The following DHX33 variants were observed in gnomAD, a reference collection of about 807,000 sequenced individuals.
The protein encoded by DHX33 is DEAH-box helicase 33.
Under a neutral mutation model 72.5 loss-of-function variants are expected in DHX33, and 42 were observed. The ratio of observed to expected loss-of-function variants is 0.58; its 90% CI spans 0.45 to 0.75. DHX33 has a LOEUF of 0.75. Ranked by LOEUF, DHX33 falls within the 30% of genes least tolerant of loss-of-function variation. The pLI, the probability that DHX33 is intolerant of heterozygous loss-of-function variation, is 0.00. For synonymous variants in DHX33, 358 were observed against 366.1 expected, an observed-to-expected ratio of 0.98 and a Z score of 0.25; for missense variants, 842 against 917.5, an observed-to-expected ratio of 0.92 and a Z score of 1.06.
At chr17:5,451,201 G>A (rs1449562101) in intron 8 of DHX33, among the ~76,000 whole-genome samples, 1 of 152,172 alleles carries the variant, frequency 6.6e-6, no homozygotes, top group Non-Finnish European at 1.5e-5. Flanking sequence ...TGCCTCCTGG[G>A]TTCCAGCGAT....
intron 11 of DHX33, among the ~76,000 whole-genome samples, chr17:5,446,550 T>C (rs770684776): frequency 1.3e-4 from 20 of 151,988 alleles, no homozygotes; most frequent in Non-Finnish European, 2.5e-4. Context: ...AAAAAAGAAA[T>C]GAGGAGTTTA....
chr17:5,447,376 C>T (rs1378330887), intron 11 of DHX33, among the ~76,000 whole-genome samples: 1 of 151,992 alleles, frequency 6.6e-6, no homozygotes, highest in African/African-American at 2.4e-5. Flanking sequence ...AAAATTAGGC[C>T]GGGCGTGGTG....
intron 3 of DHX33, 39 bp from the exon 4 acceptor site, chr17:5,461,148 G>A (rs1329039180): frequency 1.3e-6 from 2 of 1,582,548 alleles, no homozygotes; most frequent in Non-Finnish European, 1.7e-6. Flanking sequence ...GAAACAAATA[G>A]TGGGAAGGCC....
intron 5 of DHX33, 124 bp from the exon 6 acceptor site, chr17:5,455,395 A>C: frequency 1.3e-6 from 1 of 773,674 alleles, no homozygotes; most frequent in Non-Finnish European, 2.2e-6. Flanking sequence ...CTCCATTATT[A>C]ATGGCAGTCA....
Position 5,444,227 on chromosome 17 carries a change from T to A in DHX33, c.2102A>T (p.Lys701Met). The change falls in exon 12 of 12, where the codon AAG becomes ATG. Residue 701 changes from lysine to methionine, a missense_variant. Coordinates refer to ENST00000225296, the MANE Select transcript of DHX33 (RefSeq NM_020162.4). The surrounding 1 kb of genome is among the most constrained non-coding windows in gnomAD (Gnocchi z 4.9). ...GGCTCAGTTTCTGGCGGTTCTCAGCTTCCTCCTAAAGTACTCAGGGGCAGC... is the reference window on the plus strand; with the variant it reads ...GGCTCAGTTTCTGGCGGTTCTCAGCATCCTCCTAAAGTACTCAGGGGCAGC... ...YEAAPEYFRRKLRTARN is the reference protein window; with the variant it reads ...YEAAPEYFRRMLRTARN 1 of 1,613,696 alleles carries A rather than the reference T, an allele frequency of 6.2e-7. No homozygotes were observed. The highest frequency in any genetic ancestry group is 8.5e-7 in the Non-Finnish European group (1 of 1,179,606).
At chr17:5,460,002 A>G (rs963146644) in intron 4 of DHX33, among the ~76,000 whole-genome samples, 13 of 145,772 alleles carry the variant, frequency 8.9e-5, no homozygotes, top group Non-Finnish European at 1.8e-4. Flanking sequence ...CGGGGTTGCA[A>G]AAGAAAAAGT....
intron 4 of DHX33, among the ~76,000 whole-genome samples, chr17:5,459,447 T>C (rs906734028): frequency 6.6e-6 from 1 of 152,196 alleles, no homozygotes; most frequent in Admixed American, 6.5e-5. Flanking sequence ...AACTTTTTCT[T>C]TTTTTGAGAT....
chr17:5,456,016 A>T lies in DHX33; in HGVS notation c.1016T>A (p.Val339Asp). The change falls in exon 5 of 12, where the codon GTC becomes GAC. Residue 339 changes from valine (V) to aspartate (D), a missense_variant. Val to Asp is a radical substitution (Grantham distance 152). Transcript: ENST00000225296. ...ACTCACCTTTGGGGCCCCTTGGAAG[A>T]CTCGGAGCTGCTGTGCATAGGGCAG... is the stretch of plus-strand genomic sequence containing the variant. ...ASLPYAQQLR[V>D]FQGAPKGYRK... 6.2e-7 allele frequency: 1 copy of T among 1,612,438 alleles called. No homozygotes were observed. The highest frequency in any genetic ancestry group is 1.1e-5 in the South Asian group (1 of 90,990).
At position 5,468,711 on chromosome 17, in the gene DHX33, C is replaced by T. The variant is rs770947696; in HGVS notation, c.149G>A (p.Arg50Lys). 29 of 1,611,170 alleles carry T rather than the reference C, an allele frequency of 1.8e-5. No individual in the cohort carries two copies. The South Asian group carries it at 3.1e-4, about 17-fold the overall frequency. Residue 50 changes from arginine to lysine, a missense_variant, in exon 1 of 12, where the codon AGG becomes AAG. Physicochemically the swap from Arg to Lys is conservative, Grantham distance 26. Coordinates refer to ENST00000225296, the MANE Select transcript of DHX33 (RefSeq NM_020162.4). Reference protein sequence around the residue: ...SGGRGGGGGRRQQPPLAQPSA... With the variant: ...SGGRGGGGGRKQQPPLAQPSA... ...GGGCTGGGCCAGGGGCGGCTGCTGC[C>T]TCCGGCCTCCTCCTCCTCCTCTGCC... is the stretch of plus-strand genomic sequence containing the variant.
Position 5,461,069 on chromosome 17 carries a change from G to C in DHX33, c.719C>G (p.Ser240Cys). The part of the protein sequence containing the change: ...MSATMDVDLF[S>C]QYFNGAPVLY... ...GACGGGGGCGCCATTGAAATACTGA[G>C]AGAACAGGTCCACATCCATCGTAGC... is the stretch of plus-strand genomic sequence containing the variant. Residue 240 changes from serine to cysteine, a missense_variant, in exon 4 of 12, where the codon TCT becomes TGT. Physicochemically the swap from Ser to Cys is moderately radical, Grantham distance 112. Coordinates refer to ENST00000225296, the MANE Select transcript of DHX33 (RefSeq NM_020162.4). 4 of 1,613,350 alleles carry C rather than the reference G, an allele frequency of 2.5e-6. No homozygotes were observed. The highest frequency in any genetic ancestry group is 3.4e-6 in the Non-Finnish European group (4 of 1,179,672).
chr17:5,453,580 C>T lies in DHX33; in HGVS notation c.1396G>A (p.Asp466Asn), dbSNP rs747329839. The T allele has an allele frequency of 6.2e-6, 10 of 1,614,050 alleles. No individual in the cohort carries two copies. The Admixed American group carries it at 1.7e-4, about 27-fold the overall frequency. Residue 466 changes from aspartate to asparagine, a missense_variant and splice_region_variant, in exon 8 of 12, where the codon GAT (aspartate) becomes AAT (asparagine). Coordinates refer to ENST00000225296, the MANE Select transcript of DHX33 (RefSeq NM_020162.4). The stretch of plus-strand genomic sequence containing the variant: ...CTGCAAAACTGTGGATTTCACTTAC[C>T]TGGAGATGGCTTCGACATGAAGTCA... ...TFDFMSKPSP[D>N]HIQAAIAQLD...
At chr17:5,447,942 G>C (rs1240549051) in intron 11 of DHX33, among the ~76,000 whole-genome samples, 1 of 152,234 alleles carries the variant, frequency 6.6e-6, no homozygotes, top group African/African-American at 2.4e-5. Context: ...ACTTCGGGAG[G>C]CCGAGGCGGG....
intron 4 of DHX33, among the ~76,000 whole-genome samples, chr17:5,456,800 T>C (rs1904341258): frequency 6.6e-6 from 1 of 152,168 alleles, no homozygotes. Context: ...AGAAGGAAAC[T>C]TGGGGAAATC....
chr17:5,453,594 G>A lies in DHX33; in HGVS notation c.1382C>T (p.Ser461Leu), dbSNP rs1203217014. ...ATTTCACTTACCTGGAGATGGCTTCGACATGAAGTCAAAGGTGAGCACATT... is the reference window on the plus strand; with the variant it reads ...ATTTCACTTACCTGGAGATGGCTTCAACATGAAGTCAAAGGTGAGCACATT... ...VPNVLTFDFM[S>L]KPSPDHIQAA... Residue 461 changes from serine to leucine, a missense_variant, in exon 8 of 12, where the codon TCG becomes TTG. Coordinates refer to ENST00000225296, the MANE Select transcript of DHX33 (RefSeq NM_020162.4). The A allele has an allele frequency of 1.4e-5, 22 of 1,613,974 alleles. No homozygotes were observed. The highest frequency in any genetic ancestry group is 2.7e-5 in the African/African-American group (2 of 74,896).
intron 9 of DHX33, 90 bp downstream of exon 9, chr17:5,450,717 A>C (rs1916864461): frequency 6.5e-7 from 1 of 1,548,788 alleles, no homozygotes; most frequent in Non-Finnish European, 8.8e-7. Flanking sequence ...AAAAAGTGAG[A>C]TTAATCTAGA....
In DHX33 at chr17:5,444,664, A is replaced by C. The variant is rs996382912; in HGVS notation, c.1816-151T>G. 21 of 844,024 alleles carry C rather than the reference A, an allele frequency of 2.5e-5. No homozygotes were observed. The highest frequency in any genetic ancestry group is 3.6e-5 in the Non-Finnish European group (20 of 554,070). The allele number at this position is 844,024 out of a possible 1,614,324, so 52.3% of individuals were successfully genotyped here. On this transcript the variant is annotated intron_variant, in intron 11 of 11. Coordinates refer to ENST00000225296, the MANE Select transcript of DHX33 (RefSeq NM_020162.4). This position sits in a 1 kb window ranked among gnomAD's most constrained non-coding sequence, Gnocchi z 4.9. ...TGGATTCTGACATTCGGAGGTGGTC[A>C]CCAAGGATCAGCAAGGTCAGGGGAA...
chr17:5,444,310 G>A lies in DHX33; in HGVS notation c.2019C>T (p.Tyr673=). 2 of 1,614,180 alleles carry A rather than the reference G, an allele frequency of 1.2e-6. No homozygotes were observed. Among genetic ancestry groups the A allele is most frequent in the South Asian group, 1.1e-5 (1 of 91,082 alleles). The change falls in exon 12 of 12, where the codon TAC becomes TAT. Residue 673 remains tyrosine, a synonymous_variant. Transcript: ENST00000225296. This position sits in a 1 kb window ranked among gnomAD's most constrained non-coding sequence, Gnocchi z 4.9. ...GGTCCCGCATGTAGCACTTGTTGGT[G>A]TAGAGCAGCTCAGTGTACACGACGC... is the stretch of plus-strand genomic sequence containing the variant. ...PACVVYTELL[Y]TNKCYMRDLC...
At chr17:5,446,805 A>T (rs1916673143) in intron 11 of DHX33, among the ~76,000 whole-genome samples, 1 of 152,218 alleles carries the variant, frequency 6.6e-6, no homozygotes, top group Non-Finnish European at 1.5e-5. Context: ...ATAGAGAAGC[A>T]CCGTTTCTAC....
At chr17:5,468,521 C>G in intron 1 of DHX33, 50 bp downstream of exon 1, 1 of 1,575,380 alleles carries the variant, frequency 6.3e-7, no homozygotes, top group Non-Finnish European at 8.6e-7. Flanking sequence ...ACTGCTCTAG[C>G]TAAGCCACGG....
Sources: gnomAD v4.1 joint callset for allele counts (sites outside exome capture counted in the v4.1 genomes callset) on GRCh38, gnomAD v4.1.1 for gene constraint, Gnocchi (gnomAD v3.1) non-coding constraint, MANE v1.5 for transcripts, NCBI Gene and HGNC (gene_info 2026-07-23, HGNC 2026-07-21) for gene names.